The following BACH2 variants were observed in gnomAD, a reference collection of about 807,000 sequenced individuals.
The protein encoded by BACH2 is transcription regulator protein BACH2.
In BACH2, 5 loss-of-function variants were observed where a neutral mutation model predicts 61.8. That is an observed-to-expected ratio of 0.08 (90% CI 0.04 to 0.17). The LOEUF (loss-of-function observed/expected upper bound fraction) is 0.17. Ranked by LOEUF, BACH2 falls within the 10% of genes least tolerant of loss-of-function variation. The pLI is 1.00. For synonymous variants in BACH2, 446 were observed against 440.1 expected (o/e 1.01, Z -0.17); for missense variants, 824 against 1,091.1 (o/e 0.76, Z 3.45).
At chr6:90,208,813 T>C (rs535329760) in intron 3 of BACH2, among the ~76,000 whole-genome samples, 1 of 152,214 alleles carries the variant, frequency 6.6e-6, no homozygotes, top group South Asian at 2.1e-4. Flanking sequence ...CAAATGCCCA[T>C]CAATGATAGA....
chr6:89,993,251 T>C (rs1268754921), intron 6 of BACH2, among the ~76,000 whole-genome samples: 1 of 152,192 alleles, frequency 6.6e-6, no homozygotes, highest in Non-Finnish European at 1.5e-5. Context: ...AGCTAAATGC[T>C]GTAGATTCAC....
At chr6:90,004,155 T>G (rs1325940784) in intron 6 of BACH2, among the ~76,000 whole-genome samples, 4 of 152,234 alleles carry the variant, frequency 2.6e-5, no homozygotes, top group African/African-American at 9.6e-5. Flanking sequence ...TTGGCATCTG[T>G]GCTTGGCAGT....
At position 90,253,790 on chromosome 6, in the gene BACH2, T is replaced by A. The variant is rs189928152; in HGVS notation, c.-352-1200A>T. Among the ~76,000 whole-genome samples the A allele has an allele frequency of 1.4e-4, 22 of 152,352 alleles. No individual in the cohort carries two copies. In the East Asian group the frequency reaches 4.2e-3, roughly 29 times the overall value. ...ACTTGTTACACCATATATTTCATAT[T>A]TGACCTGAAGTTGGTTACACAGAGG... On this transcript the variant is annotated intron_variant, in intron 2 of 8. Coordinates refer to ENST00000257749, the MANE Select transcript of BACH2 (RefSeq NM_021813.4).
At chr6:90,254,049 T>C (rs1770897789) in intron 2 of BACH2, among the ~76,000 whole-genome samples, 1 of 152,048 alleles carries the variant, frequency 6.6e-6, no homozygotes, top group Non-Finnish European at 1.5e-5. Flanking sequence ...TTATAAAAAC[T>C]TGAATGCAGG....
chr6:90,151,212 C>A (rs1204749533), intron 4 of BACH2, among the ~76,000 whole-genome samples: 1 of 152,230 alleles, frequency 6.6e-6, no homozygotes, highest in Non-Finnish European at 1.5e-5. Flanking sequence ...CAAATGTCAT[C>A]TTCTGAATGT....
chr6:90,070,901 A>C (rs770587870), intron 5 of BACH2, among the ~76,000 whole-genome samples: 6 of 152,226 alleles, frequency 3.9e-5, no homozygotes, highest in Non-Finnish European at 7.3e-5. Context: ...GTTACAAGAC[A>C]GTCTCTGACA....
chr6:90,030,375 A>T (rs1372183606), intron 5 of BACH2, among the ~76,000 whole-genome samples: 1 of 152,108 alleles, frequency 6.6e-6, no homozygotes, highest in Non-Finnish European at 1.5e-5. Flanking sequence ...AGAAGATGGT[A>T]GGAGGAAGGT....
chr6:90,020,685 C>A (rs1291577448), intron 5 of BACH2, among the ~76,000 whole-genome samples: 1 of 152,062 alleles, frequency 6.6e-6, no homozygotes, highest in Non-Finnish European at 1.5e-5. Context: ...TCCAATTTGT[C>A]TGCTTTTGAC....
chr6:90,288,312 C>T (rs1395138359), intron 1 of BACH2, among the ~76,000 whole-genome samples: 2 of 151,960 alleles, frequency 1.3e-5, no homozygotes, highest in African/African-American at 2.4e-5. Context: ...CACTCATCTG[C>T]TTGATTTTTT....
rs200795777 is a variant in BACH2 at position 89,945,946 on chromosome 6, G to A, written c.1836+4324C>T. On this transcript the variant is annotated intron_variant, in intron 7 of 8. Transcript: ENST00000257749. The stretch of plus-strand genomic sequence containing the variant: ...TGTGACTTGTTCATTTTTTTTTACT[G>A]GAAGAGAAAAATTCCCAACCTGACT... Among the ~76,000 whole-genome samples, 4 of 151,548 alleles carry A rather than the reference G, an allele frequency of 2.6e-5. No individual in the cohort carries two copies. The East Asian group carries it at 7.7e-4, about 29-fold the overall frequency.
chr6:90,192,548 C>T (rs992891173), intron 4 of BACH2, among the ~76,000 whole-genome samples: 1 of 152,056 alleles, frequency 6.6e-6, no homozygotes, highest in Non-Finnish European at 1.5e-5. Context: ...GTTATACAAC[C>T]GTCTTCTGCA....
chr6:90,210,083 G>A (rs1769290616), intron 3 of BACH2, among the ~76,000 whole-genome samples: 1 of 152,010 alleles, frequency 6.6e-6, no homozygotes, highest in Admixed American at 6.6e-5. Context: ...ACCCCAAACT[G>A]TACAATGCAC....
At chr6:89,952,234 G>A (rs1013113795) in intron 6 of BACH2, 13 of 198,020 alleles carry the variant, frequency 6.6e-5, no homozygotes, top group African/African-American at 2.8e-4. Context: ...TCTACACGAG[G>A]GGGGAGTGTT....
intron 6 of BACH2, among the ~76,000 whole-genome samples, chr6:89,967,217 G>A (rs1372709297): frequency 1.3e-5 from 2 of 152,174 alleles, no homozygotes; most frequent in African/African-American, 2.4e-5. Context: ...GCTTGGGACT[G>A]TTATGAAAGA....
At chr6:90,032,015 C>T (rs940027726) in intron 5 of BACH2, among the ~76,000 whole-genome samples, 64 of 152,206 alleles carry the variant, frequency 4.2e-4, no homozygotes, top group South Asian at 6.2e-4. Context: ...GACATATAGA[C>T]CAATGGAACA....
At chr6:90,074,107 T>C (rs1466657889) in intron 5 of BACH2, among the ~76,000 whole-genome samples, 1 of 152,238 alleles carries the variant, frequency 6.6e-6, no homozygotes, top group East Asian at 1.9e-4. Flanking sequence ...AATGTTATAG[T>C]GAGACAAGTG....
At chr6:90,184,577 C>T (rs796960906) in intron 4 of BACH2, among the ~76,000 whole-genome samples, 7 of 152,254 alleles carry the variant, frequency 4.6e-5, no homozygotes, top group African/African-American at 1.4e-4. Flanking sequence ...AGCAGGCTCC[C>T]GGGGGAAGTG....
intron 4 of BACH2, among the ~76,000 whole-genome samples, chr6:90,174,170 A>C (rs964415984): frequency 6.6e-6 from 1 of 152,096 alleles, no homozygotes; most frequent in African/African-American, 2.4e-5. Context: ...TAAATGCAAA[A>C]ATCCTGAACA....
intron 4 of BACH2, among the ~76,000 whole-genome samples, chr6:90,094,911 A>G (rs991318101): frequency 2.0e-5 from 3 of 152,166 alleles, no homozygotes; most frequent in Admixed American, 6.6e-5. Flanking sequence ...TAGAAAGACA[A>G]TTTAATACAA....
Sources: allele counts gnomAD v4.1 joint callset (sites outside exome capture counted in the v4.1 genomes callset), GRCh38; gene constraint gnomAD v4.1.1; transcripts MANE v1.5; gene names NCBI Gene and HGNC (gene_info 2026-07-23, HGNC 2026-07-21).